Variants in AEBP2 observed in about 807,000 individuals in gnomAD.
The protein encoded by AEBP2 is zinc finger protein AEBP2.
Under a neutral mutation model 50.8 loss-of-function variants are expected in AEBP2, and 10 were observed. The observed-to-expected ratio is 0.20, with a 90% CI of 0.12 to 0.33. AEBP2 has a LOEUF of 0.33. Among genes scored for constraint, AEBP2 ranks in the 10% least tolerant of loss-of-function variants. The pLI, the probability that AEBP2 is intolerant of heterozygous loss-of-function variation, is 1.00. For synonymous variants in AEBP2, 296 were observed against 261.3 expected (o/e 1.13, Z -1.28); for missense variants, 570 against 688.0 (o/e 0.83, Z 1.92).
intron 1 of AEBP2, among the ~76,000 whole-genome samples, chr12:19,412,525 A>G (rs969906162): frequency 6.6e-6 from 1 of 152,038 alleles, no homozygotes; most frequent in African/African-American, 2.4e-5. Context: ...TGATCTGCCC[A>G]CCTTGGTCTT....
intron 3 of AEBP2, among the ~76,000 whole-genome samples, chr12:19,480,706 A>C (rs886717568): frequency 6.6e-6 from 1 of 152,140 alleles, no homozygotes; most frequent in Non-Finnish European, 1.5e-5. Context: ...CTTTTGTCCC[A>C]CAACTCGTAA....
intron 1 of AEBP2, among the ~76,000 whole-genome samples, chr12:19,459,874 A>G (rs1301122821): frequency 6.6e-6 from 1 of 152,214 alleles, no homozygotes; most frequent in Non-Finnish European, 1.5e-5. Context: ...TTGCTTTTAA[A>G]AATGGATACG....
intron 5 of AEBP2, among the ~76,000 whole-genome samples, chr12:19,504,696 G>A (rs1272561078): frequency 6.6e-6 from 1 of 152,098 alleles, no homozygotes; most frequent in East Asian, 1.9e-4. Flanking sequence ...AGCCTGGTTA[G>A]GAGCTCACCC....
intron 1 of AEBP2, among the ~76,000 whole-genome samples, chr12:19,461,570 T>G (rs1320513031): frequency 6.6e-6 from 1 of 152,052 alleles, no homozygotes; most frequent in Non-Finnish European, 1.5e-5. Flanking sequence ...AGTGCAATGG[T>G]GCGATCTCGG....
intron 3 of AEBP2, among the ~76,000 whole-genome samples, chr12:19,483,649 T>C (rs1012764370): frequency 2.6e-5 from 4 of 152,198 alleles, no homozygotes; most frequent in Non-Finnish European, 1.5e-5. Flanking sequence ...TTTTTGAATA[T>C]ACTTTATGCT....
intron 2 of AEBP2, among the ~76,000 whole-genome samples, chr12:19,465,448 G>A (rs189486168): frequency 4.0e-4 from 61 of 152,076 alleles, no homozygotes; most frequent in African/African-American, 1.2e-3. Flanking sequence ...AAAGATAGGA[G>A]TCCTGATCTT....
chr12:19,429,430 A>G (rs920392368), intron 1 of AEBP2, among the ~76,000 whole-genome samples: 6 of 152,194 alleles, frequency 3.9e-5, no homozygotes, highest in Non-Finnish European at 7.3e-5. Context: ...TAGTGCCGCA[A>G]TAAACACACG....
intron 2 of AEBP2, among the ~76,000 whole-genome samples, chr12:19,467,590 G>A (rs1363316598): frequency 1.3e-5 from 2 of 152,172 alleles, no homozygotes; most frequent in Non-Finnish European, 2.9e-5. Flanking sequence ...CACCGTGCCC[G>A]GCCTAGGTCC....
chr12:19,479,268 G>T (rs527858744), intron 3 of AEBP2, among the ~76,000 whole-genome samples: 1 of 152,120 alleles, frequency 6.6e-6, no homozygotes, highest in African/African-American at 2.4e-5. Context: ...TTGTTACAGG[G>T]TGTAGTTTAA....
intron 1 of AEBP2, among the ~76,000 whole-genome samples, chr12:19,457,952 T>C (rs1466857107): frequency 1.3e-5 from 2 of 152,230 alleles, no homozygotes; most frequent in African/African-American, 4.8e-5. Flanking sequence ...ATTGTCTGGC[T>C]TAGGTATTCT....
At chr12:19,413,593 AG>A in intron 1 of AEBP2, 1 of 597,222 alleles carries the variant, frequency 1.7e-6, no homozygotes, top group Non-Finnish European at 3.0e-6. Flanking sequence ...ATAAAAAAAA[AG>A]AAATAAAAGA....
intron 1 of AEBP2, among the ~76,000 whole-genome samples, chr12:19,411,877 A>G (rs918319363): frequency 6.6e-6 from 1 of 152,256 alleles, no homozygotes; most frequent in Non-Finnish European, 1.5e-5. Context: ...AGGTTGGAGA[A>G]CAGACTCAGA....
intron 5 of AEBP2, among the ~76,000 whole-genome samples, chr12:19,511,309 A>C (rs1279130857): frequency 6.6e-6 from 1 of 152,206 alleles, no homozygotes; most frequent in African/African-American, 2.4e-5. Flanking sequence ...GTGCACAGAA[A>C]GCCCCGGAGA....
At chr12:19,404,658 G>A (rs2095735159) in intron 1 of AEBP2, among the ~76,000 whole-genome samples, 1 of 152,182 alleles carries the variant, frequency 6.6e-6, no homozygotes, top group Non-Finnish European at 1.5e-5. Context: ...AACTGGTTAA[G>A]GAAGGGAAGC....
intron 3 of AEBP2, among the ~76,000 whole-genome samples, chr12:19,484,749 ATTTT>A (rs933867315): frequency 6.6e-6 from 1 of 151,714 alleles, no homozygotes; most frequent in East Asian, 1.9e-4. Context: ...AACCGTTCAG[ATTTT>A]TTTTCTTAAT....
intron 1 of AEBP2, among the ~76,000 whole-genome samples, chr12:19,458,612 A>G (rs945543679): frequency 3.9e-5 from 6 of 152,174 alleles, no homozygotes; most frequent in Non-Finnish European, 8.8e-5. Flanking sequence ...ACTTTTTTAT[A>G]TGGTTCCTTT....
At chr12:19,455,968 T>C (rs958509679) in intron 1 of AEBP2, among the ~76,000 whole-genome samples, 1 of 152,160 alleles carries the variant, frequency 6.6e-6, no homozygotes, top group Non-Finnish European at 1.5e-5. Context: ...TCATTAAACT[T>C]TTTTAGGGGC....
chr12:19,424,632 A>G (rs61914964), intron 1 of AEBP2, among the ~76,000 whole-genome samples: 10,907 of 150,720 alleles, frequency 0.072, 460 homozygotes, highest in South Asian at 0.19. Context: ...TCCTGACCTC[A>G]TGATCCGCCC....
rs1229550988 is a variant in AEBP2 at position 19,439,796 on chromosome 12, G to C, written c.97G>C (p.Ala33Pro). Residue 33 changes from alanine (A) to proline (P), a missense_variant, in exon 1 of 8, where the codon GCT (alanine) becomes CCT (proline). Physicochemically the swap from Ala to Pro is conservative, Grantham distance 27. Transcript: ENST00000266508. Reference protein sequence around the residue: ...GSPGSAARGRAEPPEEEEEEE... With the variant: ...GSPGSAARGRPEPPEEEEEEE... ...CCCGGGTTCGGCGGCGCGGGGCCGGGCTGAGCCCCCCGAGGAGGAGGAGGA... is the reference window on the plus strand; with the variant it reads ...CCCGGGTTCGGCGGCGCGGGGCCGGCCTGAGCCCCCCGAGGAGGAGGAGGA... The C allele has an allele frequency of 2.0e-6, 3 of 1,513,990 alleles. No individual in the cohort carries two copies. In the East Asian group the frequency reaches 8.0e-5, roughly 40 times the overall value. 93.8% of individuals were successfully genotyped at this position (1,513,990 alleles called of 1,614,324 possible).
Sources: gnomAD v4.1 joint callset for allele counts (sites outside exome capture counted in the v4.1 genomes callset) on GRCh38, gnomAD v4.1.1 for gene constraint, MANE v1.5 for transcripts, NCBI Gene and HGNC (gene_info 2026-07-23, HGNC 2026-07-21) for gene names.